CLEC1A: variants seen among roughly 807,000 people sequenced by gnomAD.
The protein encoded by CLEC1A is C-type lectin domain family 1 member A.
In CLEC1A, 34 loss-of-function variants were observed where a neutral mutation model predicts 28.7. That is an observed-to-expected ratio of 1.18 (90% confidence interval 0.90 to 1.57). The LOEUF (loss-of-function observed/expected upper bound fraction) is 1.57. Ranked by LOEUF, CLEC1A falls within the 40% of genes most tolerant of loss-of-function variation. The pLI is 0.00. For synonymous variants in CLEC1A, 116 were observed against 121.0 expected, an observed-to-expected ratio of 0.96 and a Z score of 0.27; for missense variants, 385 against 339.5, an observed-to-expected ratio of 1.13 and a Z score of -1.05.
chr12:10,091,730 C>A (rs1296898437), intron 1 of CLEC1A, among the ~76,000 whole-genome samples: 1 of 151,538 alleles, frequency 6.6e-6, no homozygotes, highest in African/African-American at 2.4e-5. Flanking sequence ...TATTTGTAAA[C>A]TTCCATACAG....
chr12:10,082,642 C>A (rs1336917090), intron 2 of CLEC1A, among the ~76,000 whole-genome samples: 1 of 152,072 alleles, frequency 6.6e-6, no homozygotes, highest in African/African-American at 2.4e-5. Flanking sequence ...ACCTGAGAAA[C>A]CTGAATACTC....
chr12:10,089,898 T>C (rs1302586281), intron 1 of CLEC1A, among the ~76,000 whole-genome samples: 1 of 152,108 alleles, frequency 6.6e-6, no homozygotes, highest in Non-Finnish European at 1.5e-5. Flanking sequence ...TTTGCAACAG[T>C]TAAATAATTT....
chr12:10,071,682 C>T (rs1051160182), intron 5 of CLEC1A, among the ~76,000 whole-genome samples, 169 bp from the exon 6 acceptor site: 1 of 152,182 alleles, frequency 6.6e-6, no homozygotes, highest in African/African-American at 2.4e-5. Context: ...TTTCCATACT[C>T]ATTCTTAGAA....
chr12:10,077,839 T>C (rs575578645), intron 3 of CLEC1A, among the ~76,000 whole-genome samples: 5 of 152,286 alleles, frequency 3.3e-5, no homozygotes, highest in South Asian at 4.1e-4. Context: ...TAAGTCTGTG[T>C]ATGTGTCTGG....
chr12:10,097,624 A>G (rs530763417), intron 1 of CLEC1A, among the ~76,000 whole-genome samples: 29 of 152,286 alleles, frequency 1.9e-4, no homozygotes, highest in African/African-American at 7.0e-4. Flanking sequence ...TCCACCCTTC[A>G]ACCTCAGCAG....
chr12:10,073,591 T>C (rs1866187561), intron 4 of CLEC1A, among the ~76,000 whole-genome samples, 180 bp from the exon 5 acceptor site: 1 of 152,354 alleles, frequency 6.6e-6, no homozygotes, highest in South Asian at 2.1e-4. Flanking sequence ...TGTCCAGGTT[T>C]AATAACTTAT....
In CLEC1A at chr12:10,070,443, T is replaced by C. The variant is rs1866102032; in HGVS notation, c.*890A>G. On this transcript the variant is annotated 3_prime_UTR_variant, in exon 6 of 6. Coordinates refer to ENST00000315330, the MANE Select transcript of CLEC1A (RefSeq NM_016511.4). ...TGAAAAGCATTTCCATGCTGAATTT[T>C]CCCACCAACCATAAGTCCATTGTAA... 1 of 152,242 alleles carries C rather than the reference T, an allele frequency of 6.6e-6. No individual in the cohort carries two copies. The highest frequency in any genetic ancestry group is 1.5e-5 in the Non-Finnish European group (1 of 68,038). The allele number at this position is 152,242 out of a possible 1,614,324, so 9.4% of individuals were successfully genotyped here.
chr12:10,082,168 G>T (rs909453702), intron 2 of CLEC1A, among the ~76,000 whole-genome samples: 6 of 152,080 alleles, frequency 3.9e-5, no homozygotes, highest in Admixed American at 3.9e-4. Flanking sequence ...GAATCCAGGG[G>T]GCAAAGAGGA....
At chr12:10,071,562 T>C (rs566897074) in intron 5 of CLEC1A, 49 bp from the exon 6 acceptor site, 8 of 1,399,458 alleles carry the variant, frequency 5.7e-6, no homozygotes, top group Admixed American at 4.3e-5. Context: ...ATTTCTAAAA[T>C]AAAATATTAA....
chr12:10,089,010 A>G (rs933838977), intron 2 of CLEC1A, 114 bp downstream of exon 2: 7 of 785,786 alleles, frequency 8.9e-6, no homozygotes, highest in Non-Finnish European at 1.5e-5. Flanking sequence ...AGATACACTG[A>G]ATTTTCCAAA....
chr12:10,093,477 T>G (rs186764232), intron 1 of CLEC1A, among the ~76,000 whole-genome samples: 1 of 152,030 alleles, frequency 6.6e-6, no homozygotes, highest in East Asian at 1.9e-4. Context: ...TGTAATTATA[T>G]GAAACTTTGT....
chr12:10,078,271 A>C (rs1464989419), intron 3 of CLEC1A, among the ~76,000 whole-genome samples: 5 of 152,124 alleles, frequency 3.3e-5, no homozygotes, highest in African/African-American at 1.2e-4. Flanking sequence ...ATCTCTCACA[A>C]AGGCACCTAA....
At chr12:10,081,506 A>T in intron 2 of CLEC1A, 93 bp from the exon 3 acceptor site, 2 of 1,051,352 alleles carry the variant, frequency 1.9e-6, no homozygotes. Flanking sequence ...TATATTTTTT[A>T]GTATCTCAGG....
rs147265480 is a variant in CLEC1A at position 10,079,873 on chromosome 12, T to C, written c.391+1364A>G. Among the ~76,000 whole-genome samples the C allele has an allele frequency of 2.8e-3, 429 of 152,226 alleles. 2 individuals carry two copies. The highest frequency in any genetic ancestry group is 9.5e-3 in the African/African-American group (395 of 41,538). On this transcript the variant is annotated intron_variant, in intron 3 of 5. Coordinates refer to ENST00000315330, the MANE Select transcript of CLEC1A (RefSeq NM_016511.4). ...ATAAAAATAAAAATAATTTTTGAGA[T>C]AGTATCTTACTATATTGCCTGGGCT...
intron 2 of CLEC1A, among the ~76,000 whole-genome samples, chr12:10,083,716 G>T (rs1371203802): frequency 6.6e-6 from 1 of 152,064 alleles, no homozygotes; most frequent in African/African-American, 2.4e-5. Flanking sequence ...CAGGAGATCT[G>T]CCCTCCTCAG....
chr12:10,096,264 G>C (rs1397662381), intron 1 of CLEC1A, among the ~76,000 whole-genome samples: 1 of 152,056 alleles, frequency 6.6e-6, no homozygotes, highest in Non-Finnish European at 1.5e-5. Flanking sequence ...GTTAACATCA[G>C]CACCATCTAC....
intron 2 of CLEC1A, among the ~76,000 whole-genome samples, chr12:10,088,899 C>T (rs991738214): frequency 6.6e-6 from 1 of 151,838 alleles, no homozygotes; most frequent in African/African-American, 2.4e-5. Flanking sequence ...CAGACAAAAC[C>T]CTTCTTATCT....
At chr12:10,091,362 G>A (rs1947700537) in intron 1 of CLEC1A, among the ~76,000 whole-genome samples, 1 of 151,998 alleles carries the variant, frequency 6.6e-6, no homozygotes, top group Admixed American at 6.6e-5. Flanking sequence ...AAAGAGATAA[G>A]TGGGTTCTCC....
In CLEC1A at chr12:10,098,983, T is replaced by C. The variant is rs2137382897; in HGVS notation, c.-61A>G. Reference sequence around the variant, plus strand: ...GGATTGCCCTGGGCCGCCGGGCTACTGTGAGCTAGTTCAGGAAGCAAGGCA... The same window carrying C: ...GGATTGCCCTGGGCCGCCGGGCTACCGTGAGCTAGTTCAGGAAGCAAGGCA... On this transcript the variant is annotated 5_prime_UTR_variant, in exon 1 of 6. Transcript: ENST00000315330. 6.6e-6 allele frequency: 8 copies of C among 1,207,874 alleles called. No homozygotes were observed. The Admixed American group carries it at 1.0e-4, about 15-fold the overall frequency. The allele number at this position is 1,207,874 out of a possible 1,614,324, so 74.8% of individuals were successfully genotyped here.
Sources: allele counts gnomAD v4.1 joint callset (sites outside exome capture counted in the v4.1 genomes callset), GRCh38; gene constraint gnomAD v4.1.1; transcripts MANE v1.5; gene names NCBI Gene and HGNC (gene_info 2026-07-23, HGNC 2026-07-21).